LRMDA: variants seen among roughly 807,000 people sequenced by gnomAD.
The protein encoded by LRMDA is leucine-rich melanocyte differentiation-associated protein.
In LRMDA, 18 loss-of-function variants were observed where a neutral mutation model predicts 29.8. The observed-to-expected ratio is 0.60, with a 90% CI of 0.42 to 0.90. The LOEUF (loss-of-function observed/expected upper bound fraction) is 0.90. Among genes scored for constraint, LRMDA ranks in the 40% least tolerant of loss-of-function variants. The probability of loss-of-function intolerance (pLI) is 0.00; values close to 1 mark genes in which losing one functional copy is unlikely to be tolerated. For missense variants in LRMDA, 273 were observed against 273.9 expected, an observed-to-expected ratio of 1.00 and a Z score of 0.02; for synonymous variants, 125 against 109.4, an observed-to-expected ratio of 1.14 and a Z score of -0.89.
chr10:76,409,970 C>T (rs1295258837), intron 6 of LRMDA, among the ~76,000 whole-genome samples: 1 of 152,122 alleles, frequency 6.6e-6, no homozygotes, highest in Non-Finnish European at 1.5e-5. Context: ...CAATTTTAAG[C>T]AAGGATTAGG....
intron 6 of LRMDA, among the ~76,000 whole-genome samples, chr10:76,379,664 C>T (rs1841566415): frequency 6.6e-6 from 1 of 151,990 alleles, no homozygotes; most frequent in South Asian, 2.1e-4. Flanking sequence ...AAAAAAACGA[C>T]TTTTTGTTTT....
rs535533135 is a variant in LRMDA, at chr10:75,736,743, A to AT, written c.131+298256dup. The stretch of plus-strand genomic sequence containing the variant: ...GAATTGCCAGCACATCTATCTATAT[A>AT]TTTTTTTATGGTGTGCATAATGAGT... On this transcript the variant is annotated intron_variant, in intron 2 of 6. Transcript: ENST00000611255. 1.7e-4 allele frequency among the ~76,000 whole-genome samples: 26 copies of AT among 152,254 alleles called. No homozygotes were observed. The South Asian group carries it at 4.4e-3, about 26-fold the overall frequency.
rs140405068 is a variant in LRMDA at position 76,228,643 on chromosome 10, G to A, written c.517-95758G>A. 3.8e-3 allele frequency among the ~76,000 whole-genome samples: 581 copies of A among 152,260 alleles called. 2 individuals carry two copies. Among genetic ancestry groups the A allele is most frequent in the African/African-American group, 0.013 (538 of 41,546 alleles). ...GTGGGGCCACAGGAGTGGGGTTGGC[G>A]AGTCCAGGTGGAGCCATGGGTGTCA... On this transcript the variant is annotated intron_variant, in intron 5 of 6. Coordinates refer to ENST00000611255, the MANE Select transcript of LRMDA (RefSeq NM_001305581.2).
At chr10:76,527,605 G>C (rs1843191320) in intron 6 of LRMDA, among the ~76,000 whole-genome samples, 1 of 152,082 alleles carries the variant, frequency 6.6e-6, no homozygotes, top group African/African-American at 2.4e-5. Context: ...CTAAAATGGG[G>C]ACAAGAATAC....
intron 2 of LRMDA, among the ~76,000 whole-genome samples, chr10:75,850,056 C>A (rs1436818827): frequency 6.6e-6 from 1 of 152,112 alleles, no homozygotes; most frequent in Non-Finnish European, 1.5e-5. Flanking sequence ...TGATGATAAA[C>A]ATGGTGTTTT....
At chr10:76,542,559 C>T (rs542652323) in intron 6 of LRMDA, among the ~76,000 whole-genome samples, 1 of 152,306 alleles carries the variant, frequency 6.6e-6, no homozygotes, top group South Asian at 2.1e-4. Flanking sequence ...TTCAGTGAGT[C>T]TATCTTCCCT....
intron 6 of LRMDA, among the ~76,000 whole-genome samples, chr10:76,465,202 C>G (rs1444006963): frequency 3.3e-5 from 5 of 152,150 alleles, no homozygotes; most frequent in Non-Finnish European, 5.9e-5. Context: ...TCCTCTGATA[C>G]CACTCCTATG....
At chr10:75,705,782 G>A (rs1344347910) in intron 2 of LRMDA, among the ~76,000 whole-genome samples, 1 of 152,330 alleles carries the variant, frequency 6.6e-6, no homozygotes, top group East Asian at 1.9e-4. Context: ...TGTCTTGAAA[G>A]CCAAGAAGCA....
chr10:75,914,295 A>G (rs546662990), intron 2 of LRMDA, among the ~76,000 whole-genome samples: 83 of 152,174 alleles, frequency 5.5e-4, no homozygotes, highest in Non-Finnish European at 9.8e-4. Context: ...AGTTTATGTT[A>G]ATGGGTATTT....
At chr10:75,906,680 G>A (rs918904725) in intron 2 of LRMDA, among the ~76,000 whole-genome samples, 2 of 152,216 alleles carry the variant, frequency 1.3e-5, no homozygotes, top group African/African-American at 4.8e-5. Context: ...TAATGGTGGC[G>A]TAATTATAAT....
intron 6 of LRMDA, among the ~76,000 whole-genome samples, chr10:76,490,490 G>A (rs1460606915): frequency 6.6e-6 from 1 of 151,610 alleles, no homozygotes; most frequent in African/African-American, 2.4e-5. Context: ...ATTTAAAATT[G>A]TTATATTCTC....
At chr10:75,660,417 G>T (rs1029278750) in intron 2 of LRMDA, among the ~76,000 whole-genome samples, 1 of 152,152 alleles carries the variant, frequency 6.6e-6, no homozygotes, top group African/African-American at 2.4e-5. Context: ...CCTGCCGGAC[G>T]GCTCTGACAC....
chr10:75,770,424 G>C (rs140312953), intron 2 of LRMDA, among the ~76,000 whole-genome samples: 1 of 152,334 alleles, frequency 6.6e-6, no homozygotes, highest in African/African-American at 2.4e-5. Context: ...TACATTTTAT[G>C]TAATATGTAT....
Position 75,831,510 on chromosome 10 carries a change from C to T in LRMDA, c.132-204498C>T, listed in dbSNP as rs573566920. Among the ~76,000 whole-genome samples, 73 of 152,268 alleles carry T rather than the reference C, an allele frequency of 4.8e-4. 1 individual carries two copies. The highest frequency in any genetic ancestry group is 1.9e-4 in the East Asian group (1 of 5,168). ...CCTGGCTGCTTTCATGGGATGGCATCGAGTGTCTGCAGCTTTTCCAGGTGC... is the reference window on the plus strand; with the variant it reads ...CCTGGCTGCTTTCATGGGATGGCATTGAGTGTCTGCAGCTTTTCCAGGTGC... On this transcript the variant is annotated intron_variant, in intron 2 of 6. Transcript: ENST00000611255.
At chr10:76,472,604 A>G (rs889970121) in intron 6 of LRMDA, among the ~76,000 whole-genome samples, 5 of 151,638 alleles carry the variant, frequency 3.3e-5, no homozygotes, top group Non-Finnish European at 7.4e-5. Context: ...AATAAACCCA[A>G]AAGTTTTTCT....
chr10:76,376,024 G>A (rs1018596607), intron 6 of LRMDA, among the ~76,000 whole-genome samples: 3 of 151,564 alleles, frequency 2.0e-5, no homozygotes, highest in Admixed American at 1.3e-4. Flanking sequence ...TAGACATGAG[G>A]GTACAAGTAC....
rs1228932335 is a variant in LRMDA at position 76,286,525 on chromosome 10, T to G, written c.517-37876T>G. Among the ~76,000 whole-genome samples, 4 of 152,174 alleles carry G rather than the reference T, an allele frequency of 2.6e-5. No homozygotes were observed. In the East Asian group the frequency reaches 7.7e-4, roughly 29 times the overall value. ...CTCTGCTGAGTGACCAGAGAGGGGA[T>G]GGGGTGAGCAGCAGTTAAGGATGAG... On this transcript the variant is annotated intron_variant, in intron 5 of 6. Transcript: ENST00000611255.
At chr10:76,003,603 T>C (rs1432173627) in intron 2 of LRMDA, among the ~76,000 whole-genome samples, 1 of 152,150 alleles carries the variant, frequency 6.6e-6, no homozygotes, top group African/African-American at 2.4e-5. Context: ...CGGGTGGAAG[T>C]GGCAGGACAG....
intron 4 of LRMDA, among the ~76,000 whole-genome samples, chr10:76,049,531 T>C (rs1389078324): frequency 6.6e-6 from 1 of 152,212 alleles, no homozygotes; most frequent in Non-Finnish European, 1.5e-5. Flanking sequence ...ATTTAATCTC[T>C]TTATTTTTTA....
Sources: gnomAD v4.1 joint callset for allele counts (sites outside exome capture counted in the v4.1 genomes callset) on GRCh38, gnomAD v4.1.1 for gene constraint, MANE v1.5 for transcripts, NCBI Gene and HGNC (gene_info 2026-07-23, HGNC 2026-07-21) for gene names.